Variants in ZFHX3 observed in about 807,000 individuals in gnomAD.
ZFHX3 encodes zinc finger homeobox protein 3.
ZFHX3 carries 42 observed loss-of-function variants against 279.1 expected under a neutral mutation model. That is an observed-to-expected ratio of 0.15 (90% CI 0.12 to 0.19). The LOEUF (loss-of-function observed/expected upper bound fraction) is 0.19, where lower values mean the gene tolerates loss of function less well. Among genes scored for constraint, ZFHX3 ranks in the 10% least tolerant of loss-of-function variants. ZFHX3 has a pLI of 1.00. For synonymous variants in ZFHX3, 2,293 were observed against 1,957.8 expected, an observed-to-expected ratio of 1.17 and a Z score of -4.52; for missense variants, 4,981 against 4,754.0, an observed-to-expected ratio of 1.05 and a Z score of -1.40.
At chr16:73,733,065 G>A (rs1349815287) in intron 1 of ZFHX3, among the ~76,000 whole-genome samples, 2 of 151,462 alleles carry the variant, frequency 1.3e-5, no homozygotes, top group African/African-American at 4.9e-5. Context: ...AATTATTTAG[G>A]CAGCAATCAG....
intron 4 of ZFHX3, among the ~76,000 whole-genome samples, chr16:73,300,284 AG>A (rs751474300): frequency 8.1e-4 from 91 of 112,478 alleles, no homozygotes; most frequent in South Asian, 2.2e-3. Context: ...AAAAAAAAAA[AG>A]GACTCCCTGA....
rs2035991805 is a variant in ZFHX3 at position 72,798,527 on chromosome 16, A to G, written c.4155T>C (p.His1385=). 2 of 1,614,106 alleles carry G rather than the reference A, an allele frequency of 1.2e-6. No homozygotes were observed. The highest frequency in any genetic ancestry group is 1.7e-5 in the Admixed American group (1 of 59,998). ...AALQTHFNEV[H]AKRPQLPVSD... ...ACACCGGCAGCTGAGGCCTCTTGGC[A>G]TGCACTTCATTAAAATGCGTCTGAA... Residue 1385 remains histidine (H), a synonymous_variant, in exon 9 of 10, where the codon CAT becomes CAC. Coordinates refer to ENST00000268489, the MANE Select transcript of ZFHX3 (RefSeq NM_006885.4).
chr16:73,601,588 C>T (rs1418716792), intron 2 of ZFHX3, among the ~76,000 whole-genome samples: 3 of 152,134 alleles, frequency 2.0e-5, no homozygotes, highest in African/African-American at 7.2e-5. Context: ...TGATTTTGTA[C>T]ATCCTACATA....
chr16:73,869,936 A>C lies in ZFHX3; in HGVS notation c.-1608+21715T>G, dbSNP rs558641910. ...CTGGAACAAAGCAGATGCTCAATAAACATTCATTTCATTCAGTCCAATTCT... is the reference window on the plus strand; with the variant it reads ...CTGGAACAAAGCAGATGCTCAATAACCATTCATTTCATTCAGTCCAATTCT... On this transcript the variant is annotated intron_variant, in intron 1 of 17. Transcript: ENST00000641206. Among the ~76,000 whole-genome samples, 34 of 152,304 alleles carry C rather than the reference A, an allele frequency of 2.2e-4. 1 individual carries two copies. The South Asian group carries it at 4.4e-3, about 20-fold the overall frequency.
At chr16:72,832,589 TAGA>T (rs2037087246) in intron 4 of ZFHX3, among the ~76,000 whole-genome samples, 1 of 152,250 alleles carries the variant, frequency 6.6e-6, no homozygotes, top group African/African-American at 2.4e-5. Flanking sequence ...CTATGCGTGG[TAGA>T]AGAAGAAATG....
At chr16:73,549,789 T>C (rs972444226) in intron 2 of ZFHX3, among the ~76,000 whole-genome samples, 4 of 152,260 alleles carry the variant, frequency 2.6e-5, no homozygotes, top group Middle Eastern at 6.8e-3. Context: ...CCACAACTCC[T>C]GGCTTTTTTT....
chr16:73,823,795 GA>G (rs1960819384), intron 1 of ZFHX3, among the ~76,000 whole-genome samples: 1 of 152,182 alleles, frequency 6.6e-6, no homozygotes, highest in Non-Finnish European at 1.5e-5. Context: ...TGGGACAAGA[GA>G]AAAAGTATGC....
chr16:73,250,090 C>A (rs1164603176), intron 5 of ZFHX3, among the ~76,000 whole-genome samples: 2 of 152,164 alleles, frequency 1.3e-5, no homozygotes, highest in Non-Finnish European at 2.9e-5. Context: ...CCTTATTTTT[C>A]TTTTCTTTCA....
rs191867856 is a variant in ZFHX3, at chr16:73,126,070, C to T, written c.-897+4898G>A. On this transcript the variant is annotated intron_variant, in intron 7 of 17. Coordinates refer to the ZFHX3 transcript ENST00000641206. The stretch of plus-strand genomic sequence containing the variant: ...CACAGAGAGGAAGCAGTGAGTCATC[C>T]ACAGGGACTAGTATGGGGTTTGTGC... Among the ~76,000 whole-genome samples, 362 of 152,096 alleles carry T rather than the reference C, an allele frequency of 2.4e-3. 2 individuals are homozygous for T. Among genetic ancestry groups the T allele is most frequent in the African/African-American group, 8.1e-3 (335 of 41,474 alleles).
intron 3 of ZFHX3, among the ~76,000 whole-genome samples, chr16:72,938,704 G>C (rs1960253001): frequency 6.6e-6 from 1 of 152,200 alleles, no homozygotes; most frequent in African/African-American, 2.4e-5. Flanking sequence ...ATGAATTAGG[G>C]CGGCAAGACC....
chr16:73,721,239 A>G (rs2053470932), intron 1 of ZFHX3, among the ~76,000 whole-genome samples: 1 of 152,104 alleles, frequency 6.6e-6, no homozygotes, highest in African/African-American at 2.4e-5. Context: ...GTCCTGCCTC[A>G]GCCTCCCAGG....
intron 1 of ZFHX3, among the ~76,000 whole-genome samples, chr16:73,786,679 T>C (rs1168658209): frequency 6.6e-6 from 1 of 152,230 alleles, no homozygotes; most frequent in African/African-American, 2.4e-5. Context: ...ATAACATCCC[T>C]ATTCCATGGG....
chr16:73,265,561 A>G (rs1361201788), intron 4 of ZFHX3, among the ~76,000 whole-genome samples: 1 of 152,158 alleles, frequency 6.6e-6, no homozygotes, highest in African/African-American at 2.4e-5. Context: ...TTTGGAGCAA[A>G]GTGGTTTCAC....
At chr16:73,698,682 A>T (rs948415940) in intron 1 of ZFHX3, among the ~76,000 whole-genome samples, 1 of 152,118 alleles carries the variant, frequency 6.6e-6, no homozygotes, top group Non-Finnish European at 1.5e-5. Flanking sequence ...GCATTCTACA[A>T]AGTAACCAAT....
In ZFHX3 at chr16:72,950,613, G is replaced by A. The variant is rs1960942723; in HGVS notation, c.3072C>T (p.Ala1024=). 1 of 1,614,104 alleles carries A rather than the reference G, an allele frequency of 6.2e-7. No homozygotes were observed. The highest frequency in any genetic ancestry group is 1.1e-5 in the South Asian group (1 of 91,092). ...LVAHIKEGGK[A]NEWRLKCVAI... ...CCACACACTTGAGCCTCCACTCGTT[G>A]GCCTTGCCGCCCTCCTTGATGTGGG... Residue 1024 remains alanine, a synonymous_variant, in exon 3 of 10, where the codon GCC becomes GCT. Transcript: ENST00000268489.
intron 1 of ZFHX3, among the ~76,000 whole-genome samples, chr16:73,891,446 C>T (rs1019807220): frequency 1.3e-5 from 2 of 152,042 alleles, no homozygotes; most frequent in African/African-American, 4.8e-5. Flanking sequence ...AGCTCCCCCA[C>T]CCTCCTACCC....
At chr16:73,439,861 A>C (rs1240231419) in intron 3 of ZFHX3, among the ~76,000 whole-genome samples, 2 of 149,244 alleles carry the variant, frequency 1.3e-5, no homozygotes, top group Admixed American at 1.3e-4. Context: ...GCTTGTATAA[A>C]GAGGCCCCTG....
At chr16:72,829,748 C>T in intron 5 of ZFHX3, 31 bp downstream of exon 5, 1 of 1,608,972 alleles carries the variant, frequency 6.2e-7, no homozygotes, top group Non-Finnish European at 8.5e-7. Context: ...GCCACACACA[C>T]TACCTGTCCA....
At chr16:73,182,552 G>T (rs946712171) in intron 5 of ZFHX3, among the ~76,000 whole-genome samples, 2 of 152,100 alleles carry the variant, frequency 1.3e-5, no homozygotes, top group African/African-American at 4.8e-5. Context: ...TCTACCCAAA[G>T]GGAAAGAAAT....
Sources: gnomAD v4.1 joint callset for allele counts (sites outside exome capture counted in the v4.1 genomes callset) on GRCh38, gnomAD v4.1.1 for gene constraint, MANE v1.5 for transcripts, NCBI Gene and HGNC (gene_info 2026-07-23, HGNC 2026-07-21) for gene names.